Variants in MCC observed in about 807,000 individuals in gnomAD.
The protein encoded by MCC is colorectal mutant cancer protein.
A neutral mutation model predicts 116.2 loss-of-function variants in MCC; 90 were observed. The observed-to-expected ratio is 0.77, with a 90% CI of 0.65 to 0.92. The LOEUF (loss-of-function observed/expected upper bound fraction) is 0.92, where lower values mean the gene tolerates loss of function less well. Ranked by LOEUF, MCC falls within the 40% of genes least tolerant of loss-of-function variation. The pLI is 0.00. For synonymous variants in MCC, 578 were observed against 510.5 expected, an observed-to-expected ratio of 1.13 and a Z score of -1.78; for missense variants, 1,516 against 1,312.2, an observed-to-expected ratio of 1.16 and a Z score of -2.40.
intron 4 of MCC, among the ~76,000 whole-genome samples, chr5:113,143,810 T>C (rs2150286292): frequency 6.6e-6 from 1 of 152,342 alleles, no homozygotes; most frequent in Middle Eastern, 3.4e-3. Context: ...ACAGCTCCCT[T>C]CCCAAGTTCC....
chr5:113,060,311 T>A (rs969132548), intron 14 of MCC, among the ~76,000 whole-genome samples: 6 of 152,132 alleles, frequency 3.9e-5, no homozygotes, highest in African/African-American at 1.4e-4. Flanking sequence ...TGTACCACCA[T>A]GCCTGGCTAA....
At chr5:113,485,089 G>T (rs1311403177) in intron 1 of MCC, among the ~76,000 whole-genome samples, 1 of 152,162 alleles carries the variant, frequency 6.6e-6, no homozygotes, top group East Asian at 1.9e-4. Flanking sequence ...GCAATTCCAA[G>T]AATCTAGTTA....
chr5:113,084,725 G>A (rs1467602197), intron 9 of MCC, among the ~76,000 whole-genome samples: 2 of 152,212 alleles, frequency 1.3e-5, no homozygotes, highest in Non-Finnish European at 2.9e-5. Flanking sequence ...TCTCACAGCT[G>A]CCACAGCCTG....
chr5:113,384,914 G>T, intron 2 of MCC, 54 bp downstream of exon 2: 1 of 1,599,298 alleles, frequency 6.3e-7, no homozygotes, highest in South Asian at 1.1e-5. Context: ...TTTAATGAGA[G>T]ATCACAGGCA....
At chr5:113,349,515 C>A (rs1768215719) in intron 2 of MCC, among the ~76,000 whole-genome samples, 1 of 151,910 alleles carries the variant, frequency 6.6e-6, no homozygotes, top group South Asian at 2.1e-4. Context: ...TAAAAATCCT[C>A]AAAAAACTGA....
intron 8 of MCC, among the ~76,000 whole-genome samples, chr5:113,100,464 C>CTTTT (rs10649958): frequency 0.087 from 6,856 of 78,526 alleles, 658 homozygotes; most frequent in African/African-American, 0.21. Context: ...GTATTTTTCC[C>CTTTT]TTTTTTTTTT....
At chr5:113,284,391 T>G (rs1766167133) in intron 3 of MCC, among the ~76,000 whole-genome samples, 1 of 152,244 alleles carries the variant, frequency 6.6e-6, no homozygotes, top group South Asian at 2.1e-4. Flanking sequence ...AACTGTATTT[T>G]GATAGTGTGA....
intron 1 of MCC, among the ~76,000 whole-genome samples, chr5:113,416,089 T>C (rs1467330344): frequency 1.3e-5 from 2 of 152,196 alleles, no homozygotes; most frequent in African/African-American, 4.8e-5. Context: ...TGCCTGGATA[T>C]CACCAGCAGA....
chr5:113,167,300 C>T (rs921977129), intron 3 of MCC, among the ~76,000 whole-genome samples: 3 of 152,188 alleles, frequency 2.0e-5, no homozygotes, highest in Non-Finnish European at 4.4e-5. Flanking sequence ...AATTGTGACT[C>T]ATAACACAGA....
At chr5:113,192,229 G>C (rs983147049) in intron 3 of MCC, among the ~76,000 whole-genome samples, 18 of 152,134 alleles carry the variant, frequency 1.2e-4, no homozygotes, top group Non-Finnish European at 2.2e-4. Context: ...GAAATGTTTT[G>C]GTAAGGCCAA....
At chr5:113,256,715 C>T (rs1241602999) in intron 3 of MCC, among the ~76,000 whole-genome samples, 1 of 152,188 alleles carries the variant, frequency 6.6e-6, no homozygotes, top group Non-Finnish European at 1.5e-5. Context: ...AACTTAAGAG[C>T]TATCTGGCCG....
intron 3 of MCC, among the ~76,000 whole-genome samples, chr5:113,289,868 C>T (rs1766415909): frequency 6.6e-6 from 1 of 152,208 alleles, no homozygotes; most frequent in Non-Finnish European, 1.5e-5. Flanking sequence ...CTTGACCCTG[C>T]TCTTCTTACG....
rs191788327 is a variant in MCC at position 113,173,401 on chromosome 5, C to T, written c.628-21979G>A. On this transcript the variant is annotated intron_variant, in intron 3 of 18. Transcript: ENST00000408903. The stretch of plus-strand genomic sequence containing the variant: ...TAATTATAGCTACATCTTTATGTTA[C>T]TCTAAATGACAATATTATGTTTAAT... Among the ~76,000 whole-genome samples the T allele has an allele frequency of 3.9e-5, 6 of 152,264 alleles. No homozygotes were observed. The East Asian group carries it at 9.6e-4, about 24-fold the overall frequency.
chr5:113,210,480 T>C (rs925237373), intron 3 of MCC, among the ~76,000 whole-genome samples: 2 of 152,142 alleles, frequency 1.3e-5, no homozygotes, highest in Non-Finnish European at 2.9e-5. Context: ...AGCTAGTGTA[T>C]TAGATAAATG....
intron 6 of MCC, among the ~76,000 whole-genome samples, chr5:113,111,783 C>T (rs552341018): frequency 6.6e-6 from 1 of 152,148 alleles, no homozygotes; most frequent in Non-Finnish European, 1.5e-5. Flanking sequence ...CTTTGGAAAT[C>T]TGGAAAGGAG....
At chr5:113,055,596 C>T (rs192520611) in intron 14 of MCC, among the ~76,000 whole-genome samples, 3 of 152,238 alleles carry the variant, frequency 2.0e-5, no homozygotes, top group African/African-American at 2.4e-5. Context: ...TTTGGGGCTG[C>T]GTCTCACTCC....
chr5:113,276,078 C>T (rs1254071270), intron 3 of MCC, among the ~76,000 whole-genome samples: 2 of 151,314 alleles, frequency 1.3e-5, no homozygotes, highest in African/African-American at 2.4e-5. Context: ...ACAGTGGCCA[C>T]ATTGATTCTG....
chr5:113,138,852 T>C (rs1196850258), intron 5 of MCC, among the ~76,000 whole-genome samples: 1 of 152,198 alleles, frequency 6.6e-6, no homozygotes, highest in African/African-American at 2.4e-5. Flanking sequence ...GAAAGTTTAC[T>C]GTACTCACTT....
At chr5:113,173,694 G>A (rs946494300) in intron 3 of MCC, among the ~76,000 whole-genome samples, 5 of 152,134 alleles carry the variant, frequency 3.3e-5, no homozygotes, top group Non-Finnish European at 5.9e-5. Flanking sequence ...TAAATTCCTT[G>A]AGGACAAACT....
Sources: allele counts gnomAD v4.1 joint callset (sites outside exome capture counted in the v4.1 genomes callset), GRCh38; gene constraint gnomAD v4.1.1; transcripts MANE v1.5; gene names NCBI Gene and HGNC (gene_info 2026-07-23, HGNC 2026-07-21).